Variants in SIPA1L2 observed in about 807,000 individuals in gnomAD.
The protein encoded by SIPA1L2 is signal induced proliferation associated 1 like 2, also known as signal-induced proliferation-associated 1-like protein 2.
In SIPA1L2, 56 loss-of-function variants were observed where a neutral mutation model predicts 163.9. That is an observed-to-expected ratio of 0.34 (90% confidence interval 0.28 to 0.43). The LOEUF (loss-of-function observed/expected upper bound fraction) is 0.43. SIPA1L2 is among the 20% of genes least tolerant of loss of function. The pLI, the probability that SIPA1L2 is intolerant of heterozygous loss-of-function variation, is 1.00. For synonymous variants in SIPA1L2, 877 were observed against 865.7 expected (o/e 1.01, Z -0.23); for missense variants, 1,974 against 2,193.5 (o/e 0.90, Z 2.00).
intron 3 of SIPA1L2, among the ~76,000 whole-genome samples, chr1:232,505,645 G>A (rs879870484): frequency 1.3e-5 from 2 of 152,112 alleles, no homozygotes; most frequent in East Asian, 1.9e-4. Flanking sequence ...AGAAAGCCCC[G>A]GTGTTTTCCA....
intron 1 of SIPA1L2, among the ~76,000 whole-genome samples, chr1:232,583,357 T>C (rs572574525): frequency 5.8e-4 from 88 of 152,340 alleles, no homozygotes; most frequent in Admixed American, 5.0e-3. Context: ...CATCATTTAC[T>C]AGTTTGCTTT....
At position 232,479,402 on chromosome 1, in the gene SIPA1L2, A is replaced by AGAT. The variant is rs762471755; in HGVS notation, c.2085+222_2085+224dup. On this transcript the variant is annotated intron_variant, in intron 7 of 22. Transcript: ENST00000674635. ...GAAAAGATTTTGCTTAGCAAGCAATAGATCTGAGTGCAGAAGAGTTTCTAA... is the reference window on the plus strand; with the variant it reads ...GAAAAGATTTTGCTTAGCAAGCAATAGATGATCTGAGTGCAGAAGAGTTTCTAA... 3.7e-4 allele frequency among the ~76,000 whole-genome samples: 56 copies of AGAT among 152,364 alleles called. 1 individual carries two copies. Among genetic ancestry groups the AGAT allele is most frequent in the Middle Eastern group, 6.8e-3 (2 of 294 alleles).
chr1:232,526,324 C>T (rs917900385), intron 2 of SIPA1L2, among the ~76,000 whole-genome samples: 1 of 152,070 alleles, frequency 6.6e-6, no homozygotes, highest in Non-Finnish European at 1.5e-5. Context: ...CTCATGGGAT[C>T]CCCTAACCCA....
rs145619206 is a variant in SIPA1L2, at chr1:232,506,806, G to C, written c.1483+7051C>G. Reference sequence around the variant, plus strand: ...CAACATAAAGCTTTGTTATTTATAGGAACTACTTACAAATTCTTTCTTCTT... The same window carrying C: ...CAACATAAAGCTTTGTTATTTATAGCAACTACTTACAAATTCTTTCTTCTT... On this transcript the variant is annotated intron_variant, in intron 3 of 22. Transcript: ENST00000674635. Among the ~76,000 whole-genome samples the C allele has an allele frequency of 1.1e-3, 172 of 152,258 alleles. 1 individual carries two copies. The highest frequency in any genetic ancestry group is 9.5e-3 in the Admixed American group (145 of 15,300).
Position 232,415,611 on chromosome 1 carries a change from A to G in SIPA1L2, c.4645T>C (p.Ser1549Pro). ...MGSLRNEFWFSDGSLSDKSKC... is the reference protein window; with the variant it reads ...MGSLRNEFWFPDGSLSDKSKC... ...GACTTATCTGATAAGGACCCATCGG[A>G]GAACCAGAACTCATCTAAACAGAAA... Residue 1549 changes from serine to proline, a missense_variant, in exon 19 of 23, where the codon TCC (serine) becomes CCC (proline). Around this residue, in one of 3 missense-constraint regions of SIPA1L2, gnomAD observed 1,079 missense variants for 1,150.7 expected, o/e 0.94. Transcript: ENST00000674635. 6.2e-7 allele frequency: 1 copy of G among 1,614,060 alleles called. No individual in the cohort carries two copies.
At chr1:232,619,569 G>A (rs1277071321) in intron 1 of SIPA1L2, among the ~76,000 whole-genome samples, 5 of 152,150 alleles carry the variant, frequency 3.3e-5, no homozygotes, top group Admixed American at 6.5e-5. Context: ...AAGTCCCTCC[G>A]AGGACTAAAT....
At chr1:232,535,191 G>C (rs1185680454) in intron 2 of SIPA1L2, among the ~76,000 whole-genome samples, 1 of 152,164 alleles carries the variant, frequency 6.6e-6, no homozygotes, top group Non-Finnish European at 1.5e-5. Context: ...AAGGAGCTAG[G>C]TTCCCAGTCT....
At position 232,514,543 on chromosome 1, in the gene SIPA1L2, C is replaced by A; in HGVS notation, c.797G>T (p.Ser266Ile). The A allele has an allele frequency of 1.2e-6, 2 of 1,614,184 alleles. No individual in the cohort carries two copies. The highest frequency in any genetic ancestry group is 1.7e-6 in the Non-Finnish European group (2 of 1,180,030). ...CCTGTCTCTCCCCATCAGGAGGGCACTGTCCACATAATCTAATCCTGAGAT... is the reference window on the plus strand; with the variant it reads ...CCTGTCTCTCCCCATCAGGAGGGCAATGTCCACATAATCTAATCCTGAGAT... The part of the protein sequence containing the change: ...VRISGLDYVD[S>I]ALLMGRDRDK... Residue 266 changes from serine (S) to isoleucine (I), a missense_variant, in exon 3 of 23, where the codon AGT (serine) becomes ATT (isoleucine). Around this residue, in one of 3 missense-constraint regions of SIPA1L2, gnomAD observed 607 missense variants for 624.0 expected, o/e 0.97. Coordinates refer to ENST00000674635, the MANE Select transcript of SIPA1L2 (RefSeq NM_020808.5).
intron 2 of SIPA1L2, among the ~76,000 whole-genome samples, chr1:232,534,588 C>T (rs1401231560): frequency 6.6e-6 from 1 of 152,168 alleles, no homozygotes; most frequent in Non-Finnish European, 1.5e-5. Flanking sequence ...CACTATCAAC[C>T]AAACAAAGTG....
chr1:232,593,583 T>C (rs1298334738), intron 1 of SIPA1L2, among the ~76,000 whole-genome samples: 2 of 152,206 alleles, frequency 1.3e-5, no homozygotes, highest in African/African-American at 2.4e-5. Context: ...CGATTTGTTA[T>C]GGTTTTGTTC....
At chr1:232,454,099 C>A (rs1343907170) in intron 10 of SIPA1L2, among the ~76,000 whole-genome samples, 1 of 152,084 alleles carries the variant, frequency 6.6e-6, no homozygotes, top group African/African-American at 2.4e-5. Flanking sequence ...CGGGAGATAA[C>A]CACATAGTAT....
chr1:232,517,425 TCAC>T (rs1224139701), intron 2 of SIPA1L2, among the ~76,000 whole-genome samples: 1 of 152,140 alleles, frequency 6.6e-6, no homozygotes. Flanking sequence ...CGGCATCTCC[TCAC>T]ACTTGTAACC....
intron 2 of SIPA1L2, among the ~76,000 whole-genome samples, chr1:232,564,235 C>CGTGTGTGT (rs59088753): frequency 3.0e-4 from 9 of 29,694 alleles, no homozygotes; most frequent in Non-Finnish European, 3.9e-4. Flanking sequence ...TTTTTTTTTT[C>CGTGTGTGT]GTGTGTGTGT....
intron 1 of SIPA1L2, among the ~76,000 whole-genome samples, chr1:232,625,222 G>A (rs1663010853): frequency 6.6e-6 from 1 of 152,200 alleles, no homozygotes; most frequent in South Asian, 2.1e-4. Context: ...CCGAGAGTGT[G>A]ACTCCTTGTA....
At chr1:232,588,674 C>T (rs1660802369) in intron 1 of SIPA1L2, among the ~76,000 whole-genome samples, 1 of 152,212 alleles carries the variant, frequency 6.6e-6, no homozygotes, top group Non-Finnish European at 1.5e-5. Flanking sequence ...TTTCCAACTA[C>T]AAACCTGTGT....
In SIPA1L2 at chr1:232,605,625, C is replaced by T. The variant is rs529735404; in HGVS notation, c.-319+24244G>A. Among the ~76,000 whole-genome samples, 244 of 152,122 alleles carry T rather than the reference C, an allele frequency of 1.6e-3. 1 individual carries two copies. Among genetic ancestry groups the T allele is most frequent in the South Asian group, 5.2e-3 (25 of 4,814 alleles). ...AGGAGAATCGCTTGAACCTGGGAGG[C>T]GGAGGTTGCAGTGAGCCAAGATCGC... On this transcript the variant is annotated intron_variant, in intron 1 of 22. Transcript: ENST00000674635.
At chr1:232,599,689 C>T (rs773190918) in intron 1 of SIPA1L2, among the ~76,000 whole-genome samples, 5 of 152,254 alleles carry the variant, frequency 3.3e-5, no homozygotes, top group Non-Finnish European at 4.4e-5. Context: ...GCTTCCTACT[C>T]CCCTGCTGTA....
intron 18 of SIPA1L2, among the ~76,000 whole-genome samples, chr1:232,423,667 C>T (rs1661708524): frequency 6.6e-6 from 1 of 152,174 alleles, no homozygotes; most frequent in Non-Finnish European, 1.5e-5. Flanking sequence ...CAGTTTTCAG[C>T]TAGGACAGTG....
intron 2 of SIPA1L2, among the ~76,000 whole-genome samples, chr1:232,553,320 TTC>T (rs1330236162): frequency 6.6e-6 from 1 of 152,190 alleles, no homozygotes; most frequent in Non-Finnish European, 1.5e-5. Context: ...CCCTTCTCTC[TTC>T]TGTTCATCTG....
Sources: gnomAD v4.1 joint callset for allele counts (sites outside exome capture counted in the v4.1 genomes callset) on GRCh38, gnomAD v4.1.1 for gene constraint, gnomAD v4.1.1 regional missense constraint, MANE v1.5 for transcripts, NCBI Gene and HGNC (gene_info 2026-07-23, HGNC 2026-07-21) for gene names.